Variants in UNC13C observed in about 807,000 individuals in gnomAD.
UNC13C encodes unc-13 homolog C, also known as protein unc-13 homolog C.
A neutral mutation model predicts 245.4 loss-of-function variants in UNC13C; 174 were observed. The ratio of observed to expected loss-of-function variants is 0.71; its 90% CI spans 0.63 to 0.80. The LOEUF is 0.80. UNC13C is among the 30% of genes least tolerant of loss of function. The pLI, the probability that UNC13C is intolerant of heterozygous loss-of-function variation, is 0.00. For synonymous variants in UNC13C, 992 were observed against 895.1 expected (o/e 1.11, Z -1.93); for missense variants, 2,829 against 2,602.9 (o/e 1.09, Z -1.89).
chr15:54,583,411 TG>T (rs1193307800), intron 30 of UNC13C, among the ~76,000 whole-genome samples: 1 of 152,174 alleles, frequency 6.6e-6, no homozygotes, highest in African/African-American at 2.4e-5. Flanking sequence ...AAGGCCTTTA[TG>T]AAACAAAAAC....
chr15:54,376,982 C>A (rs2039620951), intron 17 of UNC13C, among the ~76,000 whole-genome samples: 1 of 152,114 alleles, frequency 6.6e-6, no homozygotes, highest in African/African-American at 2.4e-5. Flanking sequence ...TTAAGGGAGC[C>A]AGAAAAGGAG....
chr15:54,159,287 C>A (rs1013470419), intron 4 of UNC13C, among the ~76,000 whole-genome samples: 13 of 152,180 alleles, frequency 8.5e-5, no homozygotes, highest in African/African-American at 3.1e-4. Flanking sequence ...GACCGCAGAC[C>A]AGGCAGAATG....
At chr15:54,355,038 G>T (rs1382736252) in intron 17 of UNC13C, among the ~76,000 whole-genome samples, 4 of 152,030 alleles carry the variant, frequency 2.6e-5, no homozygotes, top group Non-Finnish European at 2.9e-5. Context: ...GAACTATCAT[G>T]TTCAGCCTCC....
chr15:54,243,622 A>C (rs1179097436), intron 7 of UNC13C, among the ~76,000 whole-genome samples: 1 of 152,114 alleles, frequency 6.6e-6, no homozygotes, highest in Non-Finnish European at 1.5e-5. Flanking sequence ...TTTTTTCTGC[A>C]ACCATGCCAG....
intron 2 of UNC13C, among the ~76,000 whole-genome samples, chr15:54,102,699 T>G (rs1416257264): frequency 6.6e-6 from 1 of 152,250 alleles, no homozygotes; most frequent in East Asian, 1.9e-4. Flanking sequence ...GTCTGAGTGT[T>G]CATTCTAGTG....
intron 1 of UNC13C, among the ~76,000 whole-genome samples, chr15:54,009,863 C>T (rs1895305904): frequency 6.6e-6 from 1 of 152,112 alleles, no homozygotes; most frequent in Admixed American, 6.5e-5. Flanking sequence ...GATTCCATTG[C>T]AGGTAATCTG....
chr15:54,198,598 C>G (rs1443618448), intron 4 of UNC13C, among the ~76,000 whole-genome samples: 1 of 152,098 alleles, frequency 6.6e-6, no homozygotes, highest in African/African-American at 2.4e-5. Context: ...TGGGTAGACG[C>G]AGAATAACAA....
chr15:54,461,652 A>G (rs1314992903), intron 19 of UNC13C, among the ~76,000 whole-genome samples: 4 of 152,160 alleles, frequency 2.6e-5, no homozygotes, highest in African/African-American at 4.8e-5. Context: ...AAAGTACACA[A>G]TTGTGACAAT....
At chr15:53,970,284 G>T in the UNC13C span, among the ~76,000 whole-genome samples, 1 of 152,076 alleles carries the variant, frequency 6.6e-6, no homozygotes, top group Non-Finnish European at 1.5e-5. Flanking sequence ...GGTTAGGCTG[G>T]TCTCAAACTC....
In UNC13C at chr15:54,013,116, C is replaced by A. The variant is rs1057299102; in HGVS notation, c.213C>A (p.Ser71=). 7 of 1,613,776 alleles carry A rather than the reference C, an allele frequency of 4.3e-6. No homozygotes were observed. The African/African-American group carries it at 9.3e-5, about 22-fold the overall frequency. The part of the protein sequence containing the change: ...STVKKIAKCS[S]THNLSTEEDE... ...TAAAGAAGATTGCAAAGTGTTCATC[C>A]ACTCACAACTTATCCACTGAGGAAG... The change falls in exon 2 of 33, where the codon TCC becomes TCA. Residue 71 remains serine, a synonymous_variant. Transcript: ENST00000260323.
At chr15:54,446,016 G>A (rs1350977591) in intron 19 of UNC13C, among the ~76,000 whole-genome samples, 1 of 152,170 alleles carries the variant, frequency 6.6e-6, no homozygotes, top group African/African-American at 2.4e-5. Flanking sequence ...CCTATGGCTA[G>A]CCAGTTTTCC....
In UNC13C at chr15:54,431,444, A is replaced by C. The variant is rs190280422; in HGVS notation, c.4933+16377A>C. On this transcript the variant is annotated intron_variant, in intron 19 of 32. Transcript: ENST00000260323. ...AATAGGGTATCTAATATGCAATATC[A>C]CATATTGTCAGTACATATTAGTATA... is the stretch of plus-strand genomic sequence containing the variant. Among the ~76,000 whole-genome samples the C allele has an allele frequency of 3.2e-3, 484 of 151,740 alleles. 3 individuals are homozygous for C. Among genetic ancestry groups the C allele is most frequent in the African/African-American group, 0.011 (470 of 41,484 alleles).
chr15:54,455,523 CTTT>C (rs376576049), intron 19 of UNC13C, among the ~76,000 whole-genome samples: 2 of 126,878 alleles, frequency 1.6e-5, no homozygotes, highest in Non-Finnish European at 3.4e-5. Context: ...CCAACATCTG[CTTT>C]TTTTTTTTTT....
intron 2 of UNC13C, among the ~76,000 whole-genome samples, chr15:54,117,709 T>A (rs1284171436): frequency 6.6e-6 from 1 of 151,994 alleles, no homozygotes; most frequent in Non-Finnish European, 1.5e-5. Flanking sequence ...GCCTCCTGAG[T>A]ACTTGGGGCT....
chr15:54,512,106 C>T (rs1894769896), intron 24 of UNC13C, among the ~76,000 whole-genome samples: 1 of 152,106 alleles, frequency 6.6e-6, no homozygotes, highest in African/African-American at 2.4e-5. Context: ...CATATATACA[C>T]ACATATATAT....
chr15:54,229,214 G>T (rs1355587419), intron 4 of UNC13C, among the ~76,000 whole-genome samples: 1 of 152,136 alleles, frequency 6.6e-6, no homozygotes, highest in Admixed American at 6.5e-5. Context: ...CATGCCATGT[G>T]GTCACTGCCA....
intron 4 of UNC13C, among the ~76,000 whole-genome samples, chr15:54,208,053 C>G (rs1173996285): frequency 2.6e-5 from 4 of 152,110 alleles, no homozygotes; most frequent in African/African-American, 9.7e-5. Context: ...GGCACCAACA[C>G]TTGCTCAGCT....
chr15:54,332,459 G>C (rs1259843960), intron 15 of UNC13C, among the ~76,000 whole-genome samples: 1 of 151,812 alleles, frequency 6.6e-6, no homozygotes, highest in Non-Finnish European at 1.5e-5. Flanking sequence ...CTCACCCTTT[G>C]TTACTGAAAT....
chr15:54,335,432 T>G (rs1406066292), intron 16 of UNC13C, among the ~76,000 whole-genome samples: 2 of 152,158 alleles, frequency 1.3e-5, no homozygotes, highest in African/African-American at 4.8e-5. Flanking sequence ...AGAGTAAAAA[T>G]CACTCTTTTG....
Sources: gnomAD v4.1 joint callset for allele counts (sites outside exome capture counted in the v4.1 genomes callset) on GRCh38, gnomAD v4.1.1 for gene constraint, MANE v1.5 for transcripts, NCBI Gene and HGNC (gene_info 2026-07-23, HGNC 2026-07-21) for gene names.